Variants in ZNRF3 observed in about 807,000 individuals in gnomAD.
The protein encoded by ZNRF3 is zinc and ring finger 3.
In ZNRF3, 23 loss-of-function variants were observed where a neutral mutation model predicts 72.5. That is an observed-to-expected ratio of 0.32 (90% CI 0.23 to 0.45). The LOEUF is 0.45. ZNRF3 is among the 20% of genes least tolerant of loss of function. The probability of loss-of-function intolerance (pLI) is 1.00; values close to 1 mark genes in which losing one functional copy is unlikely to be tolerated. For missense variants in ZNRF3, 1,169 were observed against 1,272.1 expected (o/e 0.92, Z 1.23); for synonymous variants, 610 against 545.3 (o/e 1.12, Z -1.65).
At chr22:28,923,143 C>G (rs966764399) in intron 1 of ZNRF3, among the ~76,000 whole-genome samples, 1 of 152,184 alleles carries the variant, frequency 6.6e-6, no homozygotes, top group African/African-American at 2.4e-5. Flanking sequence ...GGGGCGCTTA[C>G]TCCAGGGGCC....
At chr22:28,924,040 G>T (rs2034556799) in intron 1 of ZNRF3, among the ~76,000 whole-genome samples, 1 of 152,280 alleles carries the variant, frequency 6.6e-6, no homozygotes, top group South Asian at 2.1e-4. Context: ...GCACCGGGGT[G>T]CTTCAAAGCC....
At chr22:29,009,439 T>A (rs2036311247) in intron 2 of ZNRF3, among the ~76,000 whole-genome samples, 1 of 151,858 alleles carries the variant, frequency 6.6e-6, no homozygotes, top group Non-Finnish European at 1.5e-5. Context: ...GAGTAGAGTT[T>A]AAAAAAATAA....
chr22:28,937,434 C>T (rs1479627659), intron 1 of ZNRF3, among the ~76,000 whole-genome samples: 1 of 151,776 alleles, frequency 6.6e-6, no homozygotes, highest in Non-Finnish European at 1.5e-5. Context: ...TGTGTTGGCT[C>T]TTAAAATGCT....
intron 1 of ZNRF3, among the ~76,000 whole-genome samples, chr22:28,930,294 T>C (rs991008389): frequency 1.3e-5 from 2 of 152,236 alleles, no homozygotes; most frequent in African/African-American, 4.8e-5. Context: ...TGAGTCTGCA[T>C]AAACAGATCT....
chr22:28,920,260 C>T (rs1201869912), intron 1 of ZNRF3, among the ~76,000 whole-genome samples: 1 of 150,744 alleles, frequency 6.6e-6, no homozygotes, highest in Non-Finnish European at 1.5e-5. Flanking sequence ...GCCACCGTGC[C>T]TGGCCTATTT....
At chr22:28,916,152 C>T (rs2034404133) in intron 1 of ZNRF3, among the ~76,000 whole-genome samples, 1 of 152,212 alleles carries the variant, frequency 6.6e-6, no homozygotes, top group East Asian at 1.9e-4. Flanking sequence ...GCCTCCCCCT[C>T]CTGGGCTCAA....
At chr22:29,036,321 T>C (rs754197362) in intron 2 of ZNRF3, among the ~76,000 whole-genome samples, 1 of 152,216 alleles carries the variant, frequency 6.6e-6, no homozygotes, top group Non-Finnish European at 1.5e-5. Flanking sequence ...TATCTGTCCT[T>C]TGGCTAAGGA....
At chr22:28,888,926 G>T (rs111977330) in intron 1 of ZNRF3, among the ~76,000 whole-genome samples, 213 of 152,162 alleles carry the variant, frequency 1.4e-3, no homozygotes, top group African/African-American at 4.6e-3. Flanking sequence ...GACCAGCCTG[G>T]CCAATATGGT....
chr22:28,919,634 G>C (rs2034473745), intron 1 of ZNRF3, among the ~76,000 whole-genome samples: 1 of 150,830 alleles, frequency 6.6e-6, no homozygotes, highest in African/African-American at 2.4e-5. Context: ...AGCCTCCCGA[G>C]TAGCTGGGAT....
chr22:29,006,659 T>C (rs1233813008), intron 2 of ZNRF3, among the ~76,000 whole-genome samples: 2 of 152,198 alleles, frequency 1.3e-5, no homozygotes, highest in African/African-American at 4.8e-5. Context: ...TGTGTAGTGA[T>C]GGGAATTTCA....
At chr22:29,043,828 G>C (rs774572850) in intron 4 of ZNRF3, among the ~76,000 whole-genome samples, 1 of 152,152 alleles carries the variant, frequency 6.6e-6, no homozygotes, top group South Asian at 2.1e-4. Context: ...AGAAAAAAAG[G>C]CTTGTATTTC....
chr22:28,884,289 A>G (rs1220368850), intron 1 of ZNRF3, among the ~76,000 whole-genome samples: 1 of 151,808 alleles, frequency 6.6e-6, no homozygotes, highest in African/African-American at 2.4e-5. Flanking sequence ...GCTCCTGTGA[A>G]CCCCGGGGCG....
Position 29,050,959 on chromosome 22 carries a change from GA to G in ZNRF3, c.2767+14del. 1 of 1,504,360 alleles carries G rather than the reference GA, an allele frequency of 6.6e-7. No homozygotes were observed. Among genetic ancestry groups the G allele is most frequent in the Non-Finnish European group, 8.8e-7 (1 of 1,134,380 alleles). 93.2% of individuals were successfully genotyped at this position (1,504,360 alleles called of 1,614,324 possible). A position where few individuals can be genotyped will look rare whatever the true frequency, so the allele number is the denominator to read the frequency against. On this transcript the variant is annotated intron_variant, in intron 8 of 8. Transcript: ENST00000544604. The stretch of plus-strand genomic sequence containing the variant: ...CCACTGAGGCTGCAGGTGAGAGCAG[GA>G]AATGGCAGTAGGTCAGAGCAGGAGT...
chr22:28,970,753 C>A (rs180878576), intron 1 of ZNRF3, among the ~76,000 whole-genome samples: 2 of 152,164 alleles, frequency 1.3e-5, no homozygotes, highest in African/African-American at 2.4e-5. Flanking sequence ...CCCTTCCCCC[C>A]AAAAAAGAGT....
intron 1 of ZNRF3, among the ~76,000 whole-genome samples, chr22:28,908,972 C>T (rs1293922257): frequency 1.3e-5 from 2 of 152,170 alleles, no homozygotes; most frequent in African/African-American, 4.8e-5. Context: ...TCTCGACTCA[C>T]TGCAACCTCT....
At chr22:29,002,176 G>A (rs181761079) in intron 2 of ZNRF3, among the ~76,000 whole-genome samples, 48 of 152,284 alleles carry the variant, frequency 3.2e-4, no homozygotes, top group African/African-American at 1.1e-3. Context: ...CAGCTCAATA[G>A]CAGAGTGGCT....
At chr22:28,989,817 A>G (rs1177553534) in intron 2 of ZNRF3, among the ~76,000 whole-genome samples, 3 of 152,322 alleles carry the variant, frequency 2.0e-5, no homozygotes, top group Non-Finnish European at 4.4e-5. Context: ...CTTACAGACA[A>G]TGCCACAGGG....
rs1209728690 is a variant in ZNRF3 at position 28,937,197 on chromosome 22, ATATATATATATATATATATTTTTTTT to A, written c.301-49877_301-49852del. Among the ~76,000 whole-genome samples the A allele has an allele frequency of 1.5e-4, 7 of 47,016 alleles. 1 individual carries two copies. The highest frequency in any genetic ancestry group is 6.2e-4 in the South Asian group (1 of 1,610). The allele number at this position is 47,016 out of a possible 152,430, so 30.8% of individuals were successfully genotyped here. ...ATAATATATATATATATATATATAT[ATATATATATATATATATATTTTTTTT>A]TTTTTTTTTTTTTTTAACAAAAGGA... On this transcript the variant is annotated intron_variant, in intron 1 of 8. Coordinates refer to ENST00000544604, the MANE Select transcript of ZNRF3 (RefSeq NM_001206998.2).
intron 1 of ZNRF3, among the ~76,000 whole-genome samples, chr22:28,912,172 A>G (rs2034330477): frequency 6.6e-6 from 1 of 152,204 alleles, no homozygotes; most frequent in Admixed American, 6.5e-5. Flanking sequence ...GGAATGTTTA[A>G]AGTAGAAATA....
Sources: gnomAD v4.1 joint callset for allele counts (sites outside exome capture counted in the v4.1 genomes callset) on GRCh38, gnomAD v4.1.1 for gene constraint, MANE v1.5 for transcripts, NCBI Gene and HGNC (gene_info 2026-07-23, HGNC 2026-07-21) for gene names.